The following NECTIN3 variants were observed in gnomAD, a reference collection of about 807,000 sequenced individuals.
NECTIN3 encodes the protein nectin-3.
In NECTIN3, 8 loss-of-function variants were observed where a neutral mutation model predicts 49.4. The ratio of observed to expected loss-of-function variants is 0.16; its 90% CI spans 0.10 to 0.29. The LOEUF (loss-of-function observed/expected upper bound fraction) is 0.29, where lower values mean the gene tolerates loss of function less well. NECTIN3 is among the 10% of genes least tolerant of loss of function. The pLI, the probability that NECTIN3 is intolerant of heterozygous loss-of-function variation, is 1.00. For missense variants in NECTIN3, 581 were observed against 654.6 expected, an observed-to-expected ratio of 0.89 and a Z score of 1.23; for synonymous variants, 277 against 241.1, an observed-to-expected ratio of 1.15 and a Z score of -1.38.
intron 7 of NECTIN3, among the ~76,000 whole-genome samples, chr3:111,180,281 C>T (rs1232888831): frequency 6.6e-6 from 1 of 152,116 alleles, no homozygotes; most frequent in Non-Finnish European, 1.5e-5. Context: ...TGTCATAAAC[C>T]TTTTAAGCTT....
intron 4 of NECTIN3, among the ~76,000 whole-genome samples, chr3:111,122,556 C>A (rs1472666790): frequency 6.6e-6 from 1 of 152,140 alleles, no homozygotes; most frequent in Non-Finnish European, 1.5e-5. Context: ...TCTACTCCTT[C>A]ATTTACAAAC....
intron 7 of NECTIN3, among the ~76,000 whole-genome samples, chr3:111,161,528 C>T (rs1180487392): frequency 6.6e-6 from 1 of 152,144 alleles, no homozygotes; most frequent in Non-Finnish European, 1.5e-5. Flanking sequence ...CACACAGCAG[C>T]AGGTGAGCAG....
At chr3:111,145,853 T>C (rs1576160810) in intron 6 of NECTIN3, among the ~76,000 whole-genome samples, 1 of 152,330 alleles carries the variant, frequency 6.6e-6, no homozygotes, top group Non-Finnish European at 1.5e-5. Flanking sequence ...AAATGCTTTG[T>C]ATATGTCTTT....
At chr3:111,142,602 T>A (rs1312950423) in intron 5 of NECTIN3, among the ~76,000 whole-genome samples, 1 of 151,874 alleles carries the variant, frequency 6.6e-6, no homozygotes, top group Non-Finnish European at 1.5e-5. Context: ...CTATTTAAAG[T>A]TGGAAATTAA....
intron 1 of NECTIN3, among the ~76,000 whole-genome samples, chr3:111,084,367 G>C (rs975651176): frequency 1.3e-5 from 2 of 152,188 alleles, no homozygotes; most frequent in African/African-American, 4.8e-5. Flanking sequence ...ACATGGACTT[G>C]TGAAACGTGA....
chr3:111,103,453 C>CTT (rs78643326), intron 1 of NECTIN3, among the ~76,000 whole-genome samples: 1 of 138,782 alleles, frequency 7.2e-6, no homozygotes, highest in African/African-American at 2.7e-5. Context: ...AAGTGATTGA[C>CTT]TTTTTTTTTT....
intron 7 of NECTIN3, among the ~76,000 whole-genome samples, chr3:111,186,767 T>A (rs939543406): frequency 3.3e-5 from 5 of 151,892 alleles, no homozygotes; most frequent in African/African-American, 4.8e-5. Flanking sequence ...ATCAGGAGAG[T>A]GAATATGGAT....
chr3:111,121,336 G>A (rs138246346), intron 3 of NECTIN3, among the ~76,000 whole-genome samples: 1 of 152,198 alleles, frequency 6.6e-6, no homozygotes, highest in African/African-American at 2.4e-5. Context: ...ATTTCTAAGT[G>A]CCATGCCTGG....
In NECTIN3 at chr3:111,136,120, A is replaced by G. The variant is rs1263911599; in HGVS notation, c.*1905A>G. On this transcript the variant is annotated 3_prime_UTR_variant, in exon 6 of 6. Coordinates refer to ENST00000485303, the MANE Select transcript of NECTIN3 (RefSeq NM_015480.3). ...AAAGATGGGTCTAAAATTTCTCCCC[A>G]TGAAAGATGTAAAACTATGGCTTTT... 1.0e-6 allele frequency: 1 copy of G among 983,910 alleles called. No homozygotes were observed. Among genetic ancestry groups the G allele is most frequent in the African/African-American group, 1.7e-5 (1 of 57,166 alleles). The allele number at this position is 983,910 out of a possible 1,614,324, so 60.9% of individuals were successfully genotyped here. A position where few individuals can be genotyped will look rare whatever the true frequency, so the allele number is the denominator to read the frequency against.
rs996439190 is a variant in NECTIN3 at position 111,112,415 on chromosome 3, T to G, written c.502+44T>G. The stretch of plus-strand genomic sequence containing the variant: ...TGTATTTTGGTGATAGTGGTGAAGA[T>G]TATAATAAAAATATTTTTAAGAAAT... On this transcript the variant is annotated intron_variant, in intron 2 of 5. Coordinates refer to ENST00000485303, the MANE Select transcript of NECTIN3 (RefSeq NM_015480.3). 7.1e-6 allele frequency: 8 copies of G among 1,121,610 alleles called. 1 individual carries two copies. 69.5% of individuals were successfully genotyped at this position (1,121,610 alleles called of 1,614,324 possible).
intron 1 of NECTIN3, chr3:111,077,340 A>C: frequency 3.3e-6 from 1 of 299,084 alleles, no homozygotes; most frequent in East Asian, 8.1e-5. Flanking sequence ...TTCAACTTTA[A>C]TGGTAAAAAA....
intron 5 of NECTIN3, among the ~76,000 whole-genome samples, chr3:111,129,691 C>G (rs892643974): frequency 2.6e-5 from 4 of 151,944 alleles, no homozygotes; most frequent in African/African-American, 9.7e-5. Context: ...CTCTGTCGCC[C>G]AGGCTGGAGT....
At chr3:111,106,552 G>A (rs113573193) in intron 1 of NECTIN3, among the ~76,000 whole-genome samples, 9 of 152,172 alleles carry the variant, frequency 5.9e-5, no homozygotes, top group African/African-American at 1.7e-4. Flanking sequence ...AAACCTTTTT[G>A]TTATATTTTC....
At chr3:111,072,587 G>T in intron 1 of NECTIN3, 1 of 1,534,278 alleles carries the variant, frequency 6.5e-7, no homozygotes, top group Middle Eastern at 1.7e-4. Context: ...AGAAACCCTA[G>T]GGACCGGAGC....
At chr3:111,076,132 T>C (rs1282948770) in intron 1 of NECTIN3, among the ~76,000 whole-genome samples, 3 of 152,166 alleles carry the variant, frequency 2.0e-5, no homozygotes, top group Admixed American at 1.3e-4. Flanking sequence ...ATGTCACTTA[T>C]ACTTTCATCT....
intron 1 of NECTIN3, among the ~76,000 whole-genome samples, chr3:111,086,292 C>T (rs964715498): frequency 3.7e-4 from 56 of 152,120 alleles, no homozygotes; most frequent in Non-Finnish European, 1.0e-4. Flanking sequence ...GAATATCTGT[C>T]TGTGTAGTCA....
intron 4 of NECTIN3, among the ~76,000 whole-genome samples, chr3:111,125,387 C>G (rs1200993723): frequency 6.6e-6 from 1 of 152,024 alleles, no homozygotes; most frequent in Non-Finnish European, 1.5e-5. Context: ...TTTAAAAACA[C>G]TTATTTGTTG....
intron 7 of NECTIN3, among the ~76,000 whole-genome samples, chr3:111,150,348 A>G (rs920467880): frequency 2.6e-5 from 4 of 151,878 alleles, no homozygotes; most frequent in African/African-American, 7.2e-5. Context: ...CTGTCAGATG[A>G]TTTTTGGTAA....
chr3:111,155,038 A>G (rs891815569), intron 7 of NECTIN3, among the ~76,000 whole-genome samples: 1 of 152,070 alleles, frequency 6.6e-6, no homozygotes, highest in Non-Finnish European at 1.5e-5. Flanking sequence ...CCCAGGTTCA[A>G]GCGATTCTCC....
Sources: allele counts gnomAD v4.1 joint callset (sites outside exome capture counted in the v4.1 genomes callset), GRCh38; gene constraint gnomAD v4.1.1; transcripts MANE v1.5; gene names NCBI Gene and HGNC (gene_info 2026-07-23, HGNC 2026-07-21).